FBXW8: variants seen among roughly 807,000 people sequenced by gnomAD.
FBXW8 encodes the protein F-box and WD repeat domain containing 8.
In FBXW8, 57 loss-of-function variants were observed where a neutral mutation model predicts 65.3. The ratio of observed to expected loss-of-function variants is 0.87; its 90% CI spans 0.71 to 1.09. FBXW8 has a LOEUF of 1.09. Among genes scored for constraint, FBXW8 ranks in the 50% least tolerant of loss-of-function variants. FBXW8 has a pLI of 0.00. For missense variants in FBXW8, 777 were observed against 814.8 expected (o/e 0.95, Z 0.57); for synonymous variants, 308 against 330.2 (o/e 0.93, Z 0.73).
At chr12:116,975,157 C>T (rs1884849186) in intron 5 of FBXW8, among the ~76,000 whole-genome samples, 1 of 152,216 alleles carries the variant, frequency 6.6e-6, no homozygotes, top group African/African-American at 2.4e-5. Flanking sequence ...TAGAAAGCCA[C>T]CATTTGGCAA....
chr12:116,934,199 G>T (rs1593054884), intron 2 of FBXW8, among the ~76,000 whole-genome samples: 1 of 151,984 alleles, frequency 6.6e-6, no homozygotes, highest in East Asian at 1.9e-4. Context: ...TGCTTTTGAG[G>T]CTTTATGTTT....
chr12:116,929,260 A>T (rs1221054770), intron 2 of FBXW8, among the ~76,000 whole-genome samples: 2 of 151,818 alleles, frequency 1.3e-5, no homozygotes, highest in African/African-American at 4.8e-5. Flanking sequence ...TTTGAGACAG[A>T]GTCTTGCTCT....
chr12:116,940,825 G>A (rs1882517105), intron 2 of FBXW8, among the ~76,000 whole-genome samples: 1 of 152,134 alleles, frequency 6.6e-6, no homozygotes, highest in African/African-American at 2.4e-5. Flanking sequence ...GCATGGGACT[G>A]CACAGCCCAT....
chr12:116,954,170 C>T (rs1029158413), intron 4 of FBXW8, among the ~76,000 whole-genome samples: 1 of 150,910 alleles, frequency 6.6e-6, no homozygotes, highest in East Asian at 1.9e-4. Flanking sequence ...TGTTTTGCAA[C>T]CGTGTTAGAA....
At chr12:116,921,822 CT>C (rs11449832) in intron 1 of FBXW8, among the ~76,000 whole-genome samples, 4,303 of 99,312 alleles carry the variant, frequency 0.043, 189 homozygotes, top group African/African-American at 0.15. Flanking sequence ...GTATTTCTGA[CT>C]TTTTTTTTTT....
intron 2 of FBXW8, among the ~76,000 whole-genome samples, chr12:116,937,177 G>T (rs555565918): frequency 6.6e-6 from 1 of 152,132 alleles, no homozygotes; most frequent in African/African-American, 2.4e-5. Context: ...ACTGTTTACC[G>T]ACAAGTAGCA....
At chr12:116,926,837 C>T (rs912462017) in intron 1 of FBXW8, among the ~76,000 whole-genome samples, 3 of 152,014 alleles carry the variant, frequency 2.0e-5, no homozygotes, top group Non-Finnish European at 2.9e-5. Flanking sequence ...CTTTTAGCCC[C>T]GAGACTTCTA....
At chr12:117,026,379 G>GTCC in intron 9 of FBXW8, among the ~76,000 whole-genome samples, 1 of 149,706 alleles carries the variant, frequency 6.7e-6, no homozygotes, top group Non-Finnish European at 1.5e-5. Flanking sequence ...CTTTCCTTCA[G>GTCC]TCCTCCAGGC....
chr12:117,016,047 C>T (rs566486693), intron 8 of FBXW8, among the ~76,000 whole-genome samples: 32 of 152,316 alleles, frequency 2.1e-4, no homozygotes, highest in African/African-American at 7.7e-4. Context: ...TTCCCTTGTA[C>T]AGATATACTA....
intron 5 of FBXW8, among the ~76,000 whole-genome samples, chr12:116,974,524 C>A (rs1388031505): frequency 6.6e-6 from 1 of 152,194 alleles, no homozygotes; most frequent in Non-Finnish European, 1.5e-5. Context: ...CCAGCCGATT[C>A]TGAGTGTCTT....
Position 116,914,468 on chromosome 12 carries a change from G to A in FBXW8, c.318+3113G>A, listed in dbSNP as rs890802473. ...TGTTCCTGTAGTCCTCACTACCTGG[G>A]AGGCTGATGTGGGAGGATTGATTGA... is the stretch of plus-strand genomic sequence containing the variant. On this transcript the variant is annotated intron_variant, in intron 1 of 10. Coordinates refer to ENST00000652555, the MANE Select transcript of FBXW8 (RefSeq NM_153348.3). 2.0e-5 allele frequency among the ~76,000 whole-genome samples: 3 copies of A among 151,254 alleles called. No individual in the cohort carries two copies. In the South Asian group the frequency reaches 6.2e-4, roughly 31 times the overall value.
chr12:116,970,921 AT>A (rs1884611285), intron 5 of FBXW8, among the ~76,000 whole-genome samples: 1 of 152,212 alleles, frequency 6.6e-6, no homozygotes, highest in African/African-American at 2.4e-5. Context: ...TCTAGTCTTC[AT>A]ATTCAGACAC....
intron 7 of FBXW8, among the ~76,000 whole-genome samples, chr12:116,998,677 T>A (rs923262766): frequency 6.6e-6 from 1 of 151,746 alleles, no homozygotes; most frequent in African/African-American, 2.4e-5. Flanking sequence ...GTTCTCCAGT[T>A]CATGGGGAGC....
At chr12:116,971,429 A>G (rs962385852) in intron 5 of FBXW8, among the ~76,000 whole-genome samples, 27 of 151,758 alleles carry the variant, frequency 1.8e-4, no homozygotes, top group African/African-American at 1.9e-4. Context: ...TAGGGCGTTG[A>G]ACTTTAAGTT....
chr12:116,962,972 G>C (rs1320458052), intron 4 of FBXW8, among the ~76,000 whole-genome samples: 1 of 152,308 alleles, frequency 6.6e-6, no homozygotes, highest in South Asian at 2.1e-4. Flanking sequence ...GCCAGTGGCC[G>C]TGCTTTGGCT....
Position 116,988,774 on chromosome 12 carries a change from T to A in FBXW8, c.1144T>A (p.Tyr382Asn). ...KAEDSARTLL[Y>N]AHGPPVTCLD... Reference sequence around the variant, plus strand: ...CGAAGACTCCGCCAGAACCCTCCTTTACGCCCACGGCCCGCCTGTCACATG... The same window carrying A: ...CGAAGACTCCGCCAGAACCCTCCTTAACGCCCACGGCCCGCCTGTCACATG... Residue 382 changes from tyrosine to asparagine, a missense_variant, in exon 7 of 11, where the codon TAC (tyrosine) becomes AAC (asparagine). Transcript: ENST00000652555. 6.2e-7 allele frequency: 1 copy of A among 1,614,134 alleles called. No individual in the cohort carries two copies. The highest frequency in any genetic ancestry group is 8.5e-7 in the Non-Finnish European group (1 of 1,180,030).
chr12:116,938,781 G>C (rs1009980071), intron 2 of FBXW8, among the ~76,000 whole-genome samples: 4 of 152,208 alleles, frequency 2.6e-5, no homozygotes, highest in African/African-American at 9.7e-5. Flanking sequence ...AACGAAGCTT[G>C]TAGCTCATTT....
At chr12:116,991,586 GTGT>G (rs1953241973) in intron 7 of FBXW8, among the ~76,000 whole-genome samples, 1 of 152,232 alleles carries the variant, frequency 6.6e-6, no homozygotes, top group Non-Finnish European at 1.5e-5. Flanking sequence ...TATTAGGCTG[GTGT>G]GAGACTATTA....
chr12:116,964,683 T>A lies in FBXW8; in HGVS notation c.678-14T>A, dbSNP rs371808680. ...CAATCTCCTTTTGGAACCAAGTGTG[T>A]CGTTCTCTTCCAGATATACATCAGG... On this transcript the variant is annotated splice_polypyrimidine_tract_variant and intron_variant, in intron 4 of 10. Coordinates refer to ENST00000652555, the MANE Select transcript of FBXW8 (RefSeq NM_153348.3). 43 of 1,613,312 alleles carry A rather than the reference T, an allele frequency of 2.7e-5. No homozygotes were observed. Among genetic ancestry groups the A allele is most frequent in the Non-Finnish European group, 3.4e-5 (40 of 1,179,882 alleles).
Sources: gnomAD v4.1 joint callset for allele counts (sites outside exome capture counted in the v4.1 genomes callset) on GRCh38, gnomAD v4.1.1 for gene constraint, MANE v1.5 for transcripts, NCBI Gene and HGNC (gene_info 2026-07-23, HGNC 2026-07-21) for gene names.